Variants in SYNJ2BP observed in about 807,000 individuals in gnomAD.
SYNJ2BP encodes synaptojanin 2 binding protein, also known as synaptojanin-2-binding protein.
SYNJ2BP carries 10 observed loss-of-function variants against 16.9 expected under a neutral mutation model. The observed-to-expected ratio is 0.59, with a 90% CI of 0.36 to 1.00. SYNJ2BP has a LOEUF of 1.00. SYNJ2BP is among the 50% of genes least tolerant of loss of function. The pLI is 0.01. For missense variants in SYNJ2BP, 162 were observed against 186.7 expected (o/e 0.87, Z 0.77); for synonymous variants, 54 against 68.4 (o/e 0.79, Z 1.04).
intron 1 of SYNJ2BP, among the ~76,000 whole-genome samples, chr14:70,408,106 T>G (rs1313544173): frequency 1.3e-5 from 2 of 151,984 alleles, no homozygotes; most frequent in Non-Finnish European, 2.9e-5. Flanking sequence ...TAACAGGTTT[T>G]TTTTTTTTTT....
At chr14:70,395,575 A>C (rs1447013513) in intron 1 of SYNJ2BP, among the ~76,000 whole-genome samples, 1 of 152,076 alleles carries the variant, frequency 6.6e-6, no homozygotes, top group South Asian at 2.1e-4. Context: ...CCAGACATCA[A>C]TCAAACTCCA....
intron 1 of SYNJ2BP, among the ~76,000 whole-genome samples, chr14:70,407,506 T>C (rs1304002243): frequency 7.3e-6 from 1 of 137,346 alleles, no homozygotes; most frequent in Non-Finnish European, 1.5e-5. Flanking sequence ...CTAAAGTTTC[T>C]CAAAGCACCA....
At position 70,417,023 on chromosome 14, in the gene SYNJ2BP, G is replaced by C; in HGVS notation, c.-60C>G. On this transcript the variant is annotated 5_prime_UTR_variant, in exon 1 of 4. Coordinates refer to ENST00000256366, the MANE Select transcript of SYNJ2BP (RefSeq NM_018373.3). ...GCTGGAGTGCAGCACAGGTGAAGGT[G>C]AATCAATCTCGGCGCTGCGCCCACA... 1.2e-6 allele frequency: 2 copies of C among 1,612,416 alleles called. No homozygotes were observed. Among genetic ancestry groups the C allele is most frequent in the South Asian group, 2.2e-5 (2 of 90,808 alleles).
At chr14:70,396,481 T>C (rs1888098614) in intron 1 of SYNJ2BP, among the ~76,000 whole-genome samples, 2 of 152,144 alleles carry the variant, frequency 1.3e-5, no homozygotes, top group South Asian at 2.1e-4. Flanking sequence ...GGTAATTATA[T>C]ATTTAATAAT....
At chr14:70,400,318 T>G (rs550305760) in intron 1 of SYNJ2BP, among the ~76,000 whole-genome samples, 51 of 152,350 alleles carry the variant, frequency 3.3e-4, no homozygotes, top group African/African-American at 1.2e-3. Context: ...TAATTATGAT[T>G]GACAGCATAT....
At chr14:70,404,995 T>G (rs529851381) in intron 1 of SYNJ2BP, among the ~76,000 whole-genome samples, 2 of 151,984 alleles carry the variant, frequency 1.3e-5, no homozygotes, top group Admixed American at 1.3e-4. Context: ...GGTGTGGTGG[T>G]GTGTGCCTGT....
chr14:70,392,369 A>G (rs74065334), intron 1 of SYNJ2BP, among the ~76,000 whole-genome samples: 2,334 of 152,294 alleles, frequency 0.015, 35 homozygotes, highest in South Asian at 0.036. Flanking sequence ...AACTTACCAG[A>G]TATGTGGACT....
At chr14:70,400,987 A>G (rs1888222849) in intron 1 of SYNJ2BP, among the ~76,000 whole-genome samples, 1 of 152,212 alleles carries the variant, frequency 6.6e-6, no homozygotes, top group African/African-American at 2.4e-5. Context: ...ATTATGAAAA[A>G]TTAAGCTTCA....
At chr14:70,399,535 A>AGG (rs1888188172) in intron 1 of SYNJ2BP, among the ~76,000 whole-genome samples, 2 of 151,446 alleles carry the variant, frequency 1.3e-5, no homozygotes, top group African/African-American at 4.9e-5. Context: ...GGTGGGGGAC[A>AGG]CACAGTTGGC....
rs981391193 is a variant in SYNJ2BP, at chr14:70,375,608, C to T, written c.297+68G>A. 8.4e-6 allele frequency: 13 copies of T among 1,555,820 alleles called. No individual in the cohort carries two copies. In the African/African-American group the frequency reaches 1.2e-4, roughly 15 times the overall value. ...AAAAAGCAACACTGAAGATTACACACATTGGGCTTATTCAGAAGTACAGTG... is the reference window on the plus strand; with the variant it reads ...AAAAAGCAACACTGAAGATTACACATATTGGGCTTATTCAGAAGTACAGTG... On this transcript the variant is annotated intron_variant, in intron 3 of 3. Transcript: ENST00000256366.
At chr14:70,393,853 T>A (rs1888030682) in intron 1 of SYNJ2BP, among the ~76,000 whole-genome samples, 1 of 151,774 alleles carries the variant, frequency 6.6e-6, no homozygotes, top group Non-Finnish European at 1.5e-5. Context: ...ACCTAATGCA[T>A]GCGGAGCTTA....
At position 70,416,970 on chromosome 14, in the gene SYNJ2BP, C is replaced by G. The variant is rs201307515; in HGVS notation, c.-7G>C. The G allele has an allele frequency of 6.2e-7, 1 of 1,614,150 alleles. No homozygotes were observed. Among genetic ancestry groups the G allele is most frequent in the East Asian group, 2.2e-5 (1 of 44,874 alleles). On this transcript the variant is annotated 5_prime_UTR_variant, in exon 1 of 4. Transcript: ENST00000256366. ...AATCCACTCTTCCGTTCATGTTTTA[C>G]AGCTCGTCTGGCTTCCTACTTGGGT...
intron 2 of SYNJ2BP, among the ~76,000 whole-genome samples, chr14:70,385,851 T>A (rs1348335891): frequency 6.6e-6 from 1 of 152,162 alleles, no homozygotes; most frequent in Non-Finnish European, 1.5e-5. Flanking sequence ...CCAGTTTGAG[T>A]CCCTTGCTGC....
rs1044832326 is a variant in SYNJ2BP, at chr14:70,407,360, G to A, written c.64+9540C>T. Among the ~76,000 whole-genome samples the A allele has an allele frequency of 3.3e-5, 5 of 151,724 alleles. No homozygotes were observed. The East Asian group carries it at 9.6e-4, about 29-fold the overall frequency. ...GGAGAATGGCGTGATCTCCTGGGAG[G>A]CGGAGCTTGCAGTGAGCCGAGATTG... On this transcript the variant is annotated intron_variant, in intron 1 of 3. Coordinates refer to ENST00000256366, the MANE Select transcript of SYNJ2BP (RefSeq NM_018373.3).
rs184023666 is a variant in SYNJ2BP at position 70,415,803 on chromosome 14, T to G, written c.64+1097A>C. ...TATTAGAGACTCTTGGAATACAGTA[T>G]TAGTAGGATTTACTGTGTCAGTTTA... is the stretch of plus-strand genomic sequence containing the variant. On this transcript the variant is annotated intron_variant, in intron 1 of 3. Transcript: ENST00000256366. Among the ~76,000 whole-genome samples the G allele has an allele frequency of 3.8e-3, 585 of 152,232 alleles. 2 individuals are homozygous for G. The highest frequency in any genetic ancestry group is 0.013 in the African/African-American group (551 of 41,540).
At chr14:70,405,337 A>G (rs1259860787) in intron 1 of SYNJ2BP, among the ~76,000 whole-genome samples, 1 of 152,162 alleles carries the variant, frequency 6.6e-6, no homozygotes, top group Non-Finnish European at 1.5e-5. Flanking sequence ...TAGAATGCCA[A>G]TATCAAAAAG....
intron 1 of SYNJ2BP, among the ~76,000 whole-genome samples, chr14:70,414,150 A>T (rs1472441774): frequency 1.3e-5 from 2 of 152,194 alleles, no homozygotes; most frequent in Non-Finnish European, 2.9e-5. Flanking sequence ...CATACTAGGA[A>T]ACCAGTTCTG....
chr14:70,396,132 T>C (rs1888087963), intron 1 of SYNJ2BP, among the ~76,000 whole-genome samples: 1 of 152,194 alleles, frequency 6.6e-6, no homozygotes, highest in Non-Finnish European at 1.5e-5. Flanking sequence ...TTTTTTTTAT[T>C]TTTTGAGATG....
intron 1 of SYNJ2BP, among the ~76,000 whole-genome samples, chr14:70,402,969 G>A (rs1052132639): frequency 6.6e-5 from 10 of 152,196 alleles, no homozygotes; most frequent in Non-Finnish European, 1.0e-4. Flanking sequence ...CTGGCTTAAA[G>A]TTGACATAAC....
Sources: gnomAD v4.1 joint callset for allele counts (sites outside exome capture counted in the v4.1 genomes callset) on GRCh38, gnomAD v4.1.1 for gene constraint, MANE v1.5 for transcripts, NCBI Gene and HGNC (gene_info 2026-07-23, HGNC 2026-07-21) for gene names.